Variants in COL23A1 observed in about 807,000 individuals in gnomAD.
COL23A1 encodes the protein collagen alpha-1(XXIII) chain.
Under a neutral mutation model 99.3 loss-of-function variants are expected in COL23A1, and 97 were observed. That is an observed-to-expected ratio of 0.98 (90% confidence interval 0.83 to 1.16). The LOEUF is 1.16. Among genes scored for constraint, COL23A1 ranks in the 50% most tolerant of loss-of-function variants. The probability of loss-of-function intolerance (pLI) is 0.00; values close to 1 mark genes in which losing one functional copy is unlikely to be tolerated. For missense variants in COL23A1, 762 were observed against 757.4 expected (o/e 1.01, Z -0.07); for synonymous variants, 320 against 308.2 (o/e 1.04, Z -0.40).
chr5:178,248,406 T>TGCCAA, intron 19 of COL23A1, 152 bp from the exon 20 acceptor site: 1 of 588,496 alleles, frequency 1.7e-6, no homozygotes, highest in Non-Finnish European at 3.1e-6. Flanking sequence ...TACATCCATG[T>TGCCAA]GCCACGCCCC....
chr5:178,431,009 C>T (rs898375954), intron 2 of COL23A1, among the ~76,000 whole-genome samples: 1 of 152,014 alleles, frequency 6.6e-6, no homozygotes, highest in Non-Finnish European at 1.5e-5. Flanking sequence ...CAGAGGGAGA[C>T]GGGCTAGGAA....
chr5:178,270,668 C>T (rs540527861), intron 5 of COL23A1, among the ~76,000 whole-genome samples: 4 of 152,288 alleles, frequency 2.6e-5, no homozygotes, highest in Middle Eastern at 3.4e-3. Context: ...GCCAGGGTGA[C>T]GGGGTCAGCG....
chr5:178,534,649 C>CATA (rs1760835791), intron 2 of COL23A1, among the ~76,000 whole-genome samples: 1 of 152,144 alleles, frequency 6.6e-6, no homozygotes, highest in Non-Finnish European at 1.5e-5. Flanking sequence ...CATAGTGGCT[C>CATA]ATGCCTGTAA....
chr5:178,586,130 C>G (rs73346589), intron 1 of COL23A1, among the ~76,000 whole-genome samples: 1 of 152,198 alleles, frequency 6.6e-6, no homozygotes, highest in African/African-American at 2.4e-5. Context: ...GAGTGGTACT[C>G]AGGTGTGGCC....
intron 2 of COL23A1, among the ~76,000 whole-genome samples, chr5:178,407,743 A>C (rs1458997682): frequency 6.6e-6 from 1 of 152,238 alleles, no homozygotes; most frequent in Non-Finnish European, 1.5e-5. Flanking sequence ...GGAATCAGTG[A>C]GCTTGAAGGC....
chr5:178,530,448 A>G (rs1760580449), intron 2 of COL23A1, among the ~76,000 whole-genome samples: 1 of 152,052 alleles, frequency 6.6e-6, no homozygotes, highest in African/African-American at 2.4e-5. Context: ...GGTGACAGAG[A>G]AAGACCTGTT....
intron 3 of COL23A1, among the ~76,000 whole-genome samples, chr5:178,295,053 C>T (rs906695783): frequency 3.9e-5 from 6 of 152,154 alleles, no homozygotes; most frequent in South Asian, 2.1e-4. Context: ...GGTGTGCTGG[C>T]GTGTGCTTGT....
At chr5:178,292,493 C>G (rs937298605) in intron 3 of COL23A1, among the ~76,000 whole-genome samples, 2 of 152,200 alleles carry the variant, frequency 1.3e-5, no homozygotes, top group Non-Finnish European at 2.9e-5. Context: ...TCCCTCACAG[C>G]AAGAAACAGT....
At chr5:178,504,063 G>C (rs1758728413) in intron 2 of COL23A1, among the ~76,000 whole-genome samples, 1 of 152,190 alleles carries the variant, frequency 6.6e-6, no homozygotes, top group Non-Finnish European at 1.5e-5. Context: ...TCTCAGGAAA[G>C]ACATTCCTGG....
At chr5:178,586,610 G>GAAA (rs11464020) in intron 1 of COL23A1, among the ~76,000 whole-genome samples, 61,447 of 144,112 alleles carry the variant, frequency 0.43, 13,110 homozygotes, top group East Asian at 0.62. Flanking sequence ...CTGTTGCAAG[G>GAAA]AAAAAAAAAA....
chr5:178,272,182 C>A (rs375990074), intron 5 of COL23A1, among the ~76,000 whole-genome samples: 1 of 152,242 alleles, frequency 6.6e-6, no homozygotes, highest in South Asian at 2.1e-4. Context: ...GGCAGCTCGT[C>A]CCCCGGGACA....
rs138875766 is a variant in COL23A1 at position 178,328,236 on chromosome 5, G to A, written c.362-21317C>T. 3.1e-3 allele frequency among the ~76,000 whole-genome samples: 479 copies of A among 152,254 alleles called. 3 individuals are homozygous for A. The highest frequency in any genetic ancestry group is 0.011 in the African/African-American group (460 of 41,540). On this transcript the variant is annotated intron_variant, in intron 2 of 28. Transcript: ENST00000390654. ...CCCACACGTCCCCACTGAATTTCCT[G>A]TTCCTCATCCCCCCTGTCCCTGTCC... is the stretch of plus-strand genomic sequence containing the variant.
intron 2 of COL23A1, among the ~76,000 whole-genome samples, chr5:178,379,958 T>C (rs541742892): frequency 1.3e-5 from 2 of 151,974 alleles, no homozygotes; most frequent in South Asian, 4.2e-4. Context: ...CCTTATTTTA[T>C]AGATGAGGAA....
In COL23A1 at chr5:178,356,799, G is replaced by A. The variant is rs1006817771; in HGVS notation, c.362-49880C>T. Among the ~76,000 whole-genome samples, 4 of 152,234 alleles carry A rather than the reference G, an allele frequency of 2.6e-5. No homozygotes were observed. The South Asian group carries it at 8.3e-4, about 32-fold the overall frequency. On this transcript the variant is annotated intron_variant, in intron 2 of 28. Transcript: ENST00000390654. ...CCCCGGCCGCCTGGCACCGAGATTG[G>A]CTATGCAGCAGGAGGAGATGCCAGG...
chr5:178,303,846 C>T (rs895773656), intron 3 of COL23A1, among the ~76,000 whole-genome samples: 1 of 152,186 alleles, frequency 6.6e-6, no homozygotes, highest in Non-Finnish European at 1.5e-5. Flanking sequence ...CAGACCAGGC[C>T]AACACCTCAG....
chr5:178,532,238 G>A (rs1760689268), intron 2 of COL23A1, among the ~76,000 whole-genome samples: 1 of 152,230 alleles, frequency 6.6e-6, no homozygotes, highest in African/African-American at 2.4e-5. Flanking sequence ...TTATTCCTTA[G>A]AAACAATCAG....
At chr5:178,348,670 C>T (rs1353434876) in intron 2 of COL23A1, among the ~76,000 whole-genome samples, 3 of 152,206 alleles carry the variant, frequency 2.0e-5, no homozygotes, top group African/African-American at 7.2e-5. Context: ...GGAAAGGGGT[C>T]TGCAGAGCCC....
intron 2 of COL23A1, among the ~76,000 whole-genome samples, chr5:178,457,230 T>G (rs1259281212): frequency 6.6e-6 from 1 of 152,218 alleles, no homozygotes; most frequent in South Asian, 2.1e-4. Context: ...CTTTTTTCTT[T>G]TGAGACAGAG....
chr5:178,465,716 G>T (rs1756380394), intron 2 of COL23A1, among the ~76,000 whole-genome samples: 1 of 152,220 alleles, frequency 6.6e-6, no homozygotes, highest in Non-Finnish European at 1.5e-5. Context: ...GTCCCCGCGG[G>T]GTGGCGGTCA....
Sources: gnomAD v4.1 joint callset for allele counts (sites outside exome capture counted in the v4.1 genomes callset) on GRCh38, gnomAD v4.1.1 for gene constraint, MANE v1.5 for transcripts, NCBI Gene and HGNC (gene_info 2026-07-23, HGNC 2026-07-21) for gene names.